The following NKAIN2 variants were observed in gnomAD, a reference collection of about 807,000 sequenced individuals.
NKAIN2 encodes sodium/potassium-transporting ATPase subunit beta-1-interacting protein 2.
Under a neutral mutation model 32.6 loss-of-function variants are expected in NKAIN2, and 14 were observed. The ratio of observed to expected loss-of-function variants is 0.43; its 90% CI spans 0.28 to 0.67. NKAIN2 has a LOEUF of 0.67. Among genes scored for constraint, NKAIN2 ranks in the 30% least tolerant of loss-of-function variants. The pLI is 0.17. For missense variants in NKAIN2, 198 were observed against 258.3 expected (o/e 0.77, Z 1.60); for synonymous variants, 80 against 87.2 (o/e 0.92, Z 0.46).
At chr6:124,769,795 A>G (rs1209470567) in intron 4 of NKAIN2, among the ~76,000 whole-genome samples, 1 of 152,194 alleles carries the variant, frequency 6.6e-6, no homozygotes, top group African/African-American at 2.4e-5. Flanking sequence ...TTTGCTTTTA[A>G]AAATCAAACC....
At chr6:123,804,501 C>G (rs1773132599) in intron 1 of NKAIN2, among the ~76,000 whole-genome samples, 1 of 152,046 alleles carries the variant, frequency 6.6e-6, no homozygotes, top group South Asian at 2.1e-4. Context: ...TTAAACTTGT[C>G]TTTAATTTCT....
rs151134310 is a variant in NKAIN2 at position 124,557,775 on chromosome 6, T to C, written c.274-100411T>C. ...AGAAGCTTCCTACATTGTTCTTTCC[T>C]GTACAATTGGCTTAAAGAAGAGGTT... On this transcript the variant is annotated intron_variant, in intron 3 of 6. Transcript: ENST00000368417. Among the ~76,000 whole-genome samples, 1,020 of 152,362 alleles carry C rather than the reference T, an allele frequency of 6.7e-3. 7 individuals are homozygous for C. The highest frequency in any genetic ancestry group is 0.022 in the South Asian group (105 of 4,830).
intron 2 of NKAIN2, among the ~76,000 whole-genome samples, chr6:124,351,931 T>G (rs1002150706): frequency 3.9e-5 from 6 of 152,176 alleles, no homozygotes; most frequent in Non-Finnish European, 8.8e-5. Flanking sequence ...CTACTGCTTA[T>G]TATTTTAACA....
At chr6:124,112,953 T>TGTACATA (rs147410913) in intron 1 of NKAIN2, among the ~76,000 whole-genome samples, 7,094 of 152,036 alleles carry the variant, frequency 0.047, 544 homozygotes, top group African/African-American at 0.16. Flanking sequence ...ATTCTTACTT[T>TGTACATA]CATTGGGCTC....
At chr6:124,278,026 G>C (rs1188439325) in intron 1 of NKAIN2, among the ~76,000 whole-genome samples, 1 of 152,036 alleles carries the variant, frequency 6.6e-6, no homozygotes, top group Non-Finnish European at 1.5e-5. Flanking sequence ...ATATTTGGAA[G>C]AAAATTTGAT....
intron 4 of NKAIN2, among the ~76,000 whole-genome samples, chr6:124,708,557 C>T (rs1205000608): frequency 7.2e-5 from 11 of 151,966 alleles, no homozygotes; most frequent in Admixed American, 4.6e-4. Flanking sequence ...AGGTCCTTCA[C>T]ATCCCTTGTA....
chr6:124,626,102 C>A (rs1332471878), intron 3 of NKAIN2, among the ~76,000 whole-genome samples: 3 of 115,340 alleles, frequency 2.6e-5, no homozygotes, highest in Non-Finnish European at 5.2e-5. Context: ...ACTCCCCACA[C>A]CCCACAACAG....
At chr6:124,587,888 A>T (rs1292227315) in intron 3 of NKAIN2, among the ~76,000 whole-genome samples, 1 of 152,224 alleles carries the variant, frequency 6.6e-6, no homozygotes. Flanking sequence ...CATTTCTTTC[A>T]TGAAAAATTT....
chr6:124,008,531 T>C (rs1022105), intron 1 of NKAIN2, among the ~76,000 whole-genome samples: 81,647 of 151,918 alleles, frequency 0.54, 22,137 homozygotes, highest in East Asian at 0.59. Context: ...TGTGAAGCAG[T>C]TCCAGAGAAT....
At chr6:124,589,555 A>T (rs1030841345) in intron 3 of NKAIN2, among the ~76,000 whole-genome samples, 9 of 152,216 alleles carry the variant, frequency 5.9e-5, no homozygotes, top group Non-Finnish European at 1.0e-4. Flanking sequence ...AAATAAAGCA[A>T]TATTAAATAT....
At chr6:123,810,997 T>C (rs1773439892) in intron 1 of NKAIN2, among the ~76,000 whole-genome samples, 1 of 152,178 alleles carries the variant, frequency 6.6e-6, no homozygotes, top group African/African-American at 2.4e-5. Context: ...AGAATTTGTA[T>C]TGCTAAGGAA....
At chr6:124,690,945 C>T (rs1214016134) in intron 4 of NKAIN2, among the ~76,000 whole-genome samples, 1 of 152,140 alleles carries the variant, frequency 6.6e-6, no homozygotes, top group Non-Finnish European at 1.5e-5. Flanking sequence ...TCCATTCTCT[C>T]CAATCTACCC....
intron 2 of NKAIN2, among the ~76,000 whole-genome samples, chr6:124,297,370 G>T (rs1796098410): frequency 6.6e-6 from 1 of 151,998 alleles, no homozygotes; most frequent in Non-Finnish European, 1.5e-5. Flanking sequence ...AAAATAATAA[G>T]AACAGAAAAC....
At chr6:124,476,374 TG>T (rs2114687494) in intron 3 of NKAIN2, among the ~76,000 whole-genome samples, 1 of 148,380 alleles carries the variant, frequency 6.7e-6, no homozygotes, top group African/African-American at 2.5e-5. Context: ...TTTCTTTTAC[TG>T]AATTCATATG....
intron 3 of NKAIN2, among the ~76,000 whole-genome samples, chr6:124,538,342 G>A (rs1454455982): frequency 6.6e-6 from 1 of 151,976 alleles, no homozygotes; most frequent in Non-Finnish European, 1.5e-5. Context: ...TGGTAGAAAT[G>A]TCTTGGTTTT....
At chr6:124,047,622 G>T (rs926927075) in intron 1 of NKAIN2, among the ~76,000 whole-genome samples, 2 of 151,974 alleles carry the variant, frequency 1.3e-5, no homozygotes, top group Non-Finnish European at 2.9e-5. Context: ...CAATGCATTT[G>T]TCATCCACCT....
At chr6:124,307,066 GGCCCGCTCGGGAAGGTCTAACATA>G (rs1330826640) in intron 2 of NKAIN2, among the ~76,000 whole-genome samples, 1 of 152,094 alleles carries the variant, frequency 6.6e-6, no homozygotes, top group Non-Finnish European at 1.5e-5. Flanking sequence ...GTGAGGAAAA[GGCCCGCTCGGGAAGGTCTAACATA>G]GAGGACCTCT....
At chr6:124,744,995 C>G (rs993883863) in intron 4 of NKAIN2, among the ~76,000 whole-genome samples, 1 of 151,828 alleles carries the variant, frequency 6.6e-6, no homozygotes, top group Non-Finnish European at 1.5e-5. Context: ...TTCCATCAAG[C>G]CCATAAAACG....
At chr6:124,071,798 T>C (rs1783482153) in intron 1 of NKAIN2, among the ~76,000 whole-genome samples, 1 of 152,080 alleles carries the variant, frequency 6.6e-6, no homozygotes, top group Admixed American at 6.6e-5. Context: ...CCAGTCAGGA[T>C]TGTTATTATT....
Sources: gnomAD v4.1 joint callset for allele counts (sites outside exome capture counted in the v4.1 genomes callset) on GRCh38, gnomAD v4.1.1 for gene constraint, MANE v1.5 for transcripts, NCBI Gene and HGNC (gene_info 2026-07-23, HGNC 2026-07-21) for gene names.